The following GAS7 variants were observed in gnomAD, a reference collection of about 807,000 sequenced individuals.
GAS7 encodes the protein growth arrest specific 7.
In GAS7, 28 loss-of-function variants were observed where a neutral mutation model predicts 71.1. That is an observed-to-expected ratio of 0.39 (90% confidence interval 0.29 to 0.54). The LOEUF (loss-of-function observed/expected upper bound fraction) is 0.54. Among genes scored for constraint, GAS7 ranks in the 20% least tolerant of loss-of-function variants. The pLI is 0.62. For synonymous variants in GAS7, 258 were observed against 245.8 expected, an observed-to-expected ratio of 1.05 and a Z score of -0.46; for missense variants, 436 against 627.8, an observed-to-expected ratio of 0.69 and a Z score of 3.27.
chr17:10,074,725 C>A (rs779257489), intron 1 of GAS7, among the ~76,000 whole-genome samples: 2 of 152,094 alleles, frequency 1.3e-5, no homozygotes, highest in African/African-American at 2.4e-5. Flanking sequence ...TAAGAAAAAA[C>A]CACTTAATCC....
intron 1 of GAS7, among the ~76,000 whole-genome samples, chr17:10,154,381 G>A (rs546573544): frequency 1.4e-4 from 21 of 152,146 alleles, no homozygotes; most frequent in Non-Finnish European, 2.4e-4. Context: ...GCAAACATCT[G>A]TGGTCTCAGC....
At chr17:10,096,489 A>G (rs1221575507) in intron 1 of GAS7, among the ~76,000 whole-genome samples, 2 of 152,218 alleles carry the variant, frequency 1.3e-5, no homozygotes, top group East Asian at 1.9e-4. Context: ...CCAATGAGGA[A>G]TCTGTCACTT....
At chr17:9,923,115 G>A (rs2067876355) in intron 11 of GAS7, among the ~76,000 whole-genome samples, 1 of 152,118 alleles carries the variant, frequency 6.6e-6, no homozygotes, top group Non-Finnish European at 1.5e-5. Flanking sequence ...CACTATGTTG[G>A]CCAGGCTGGT....
rs2074326347 is a variant in GAS7 at position 10,170,247 on chromosome 17, C to T, written c.183+27961G>A. 2.6e-5 allele frequency among the ~76,000 whole-genome samples: 4 copies of T among 152,026 alleles called. No homozygotes were observed. In the South Asian group the frequency reaches 8.3e-4, roughly 32 times the overall value. On this transcript the variant is annotated intron_variant, in intron 1 of 13. Transcript: ENST00000432992. ...CTCAAGTCACTCCTCTGCTCAATGG[C>T]TCCCCTGACACTCAGGGTAAATGTC...
At chr17:10,074,102 A>C (rs1406667798) in intron 1 of GAS7, among the ~76,000 whole-genome samples, 1 of 152,150 alleles carries the variant, frequency 6.6e-6, no homozygotes, top group South Asian at 2.1e-4. Context: ...AGTGTGATGG[A>C]CGTATGCAAC....
intron 1 of GAS7, among the ~76,000 whole-genome samples, chr17:10,078,074 TG>T (rs1301827035): frequency 2.1e-4 from 24 of 114,570 alleles, no homozygotes; most frequent in African/African-American, 8.0e-4. Flanking sequence ...TGTGTGTGTG[TG>T]TGTGTTTTGT....
At chr17:10,050,656 G>A (rs2073050353) in intron 1 of GAS7, among the ~76,000 whole-genome samples, 1 of 152,184 alleles carries the variant, frequency 6.6e-6, no homozygotes, top group South Asian at 2.1e-4. Flanking sequence ...TTCTCCTGAA[G>A]CACAAGCTAC....
chr17:10,032,336 T>C (rs985458612), intron 1 of GAS7, among the ~76,000 whole-genome samples: 10 of 152,290 alleles, frequency 6.6e-5, no homozygotes, highest in African/African-American at 2.2e-4. Flanking sequence ...TGATGAACTG[T>C]TGAGGAATGT....
intron 2 of GAS7, among the ~76,000 whole-genome samples, chr17:9,999,371 A>G (rs2071171879): frequency 6.6e-6 from 1 of 152,150 alleles, no homozygotes; most frequent in African/African-American, 2.4e-5. Flanking sequence ...TACAAAAATT[A>G]GCTGGGTGTG....
At chr17:9,991,609 G>A (rs948732641) in intron 2 of GAS7, among the ~76,000 whole-genome samples, 1 of 152,076 alleles carries the variant, frequency 6.6e-6, no homozygotes, top group African/African-American at 2.4e-5. Context: ...AGGGAGTAGG[G>A]GGTGCTGCCT....
intron 1 of GAS7, among the ~76,000 whole-genome samples, chr17:10,164,129 A>G (rs2142122297): frequency 6.6e-6 from 1 of 152,184 alleles, no homozygotes; most frequent in African/African-American, 2.4e-5. Flanking sequence ...TTAATTTTGC[A>G]CTGTGCAGCC....
At chr17:10,162,046 G>A (rs1270658110) in intron 1 of GAS7, among the ~76,000 whole-genome samples, 7 of 130,666 alleles carry the variant, frequency 5.4e-5, no homozygotes, top group Non-Finnish European at 7.7e-5. Context: ...CAGCCTGGGC[G>A]ACAGAGCAAG....
chr17:9,981,729 C>T lies in GAS7; in HGVS notation c.385+75G>A. The T allele has an allele frequency of 1.1e-6, 1 of 878,080 alleles. No homozygotes were observed. Among genetic ancestry groups the T allele is most frequent in the Admixed American group, 1.7e-5 (1 of 57,528 alleles). The allele number at this position is 878,080 out of a possible 1,614,324, so 54.4% of individuals were successfully genotyped here. Reference sequence around the variant, plus strand: ...ATCAGCCAGGTTTAAGACCCAGGACCCATCATCTCAGCCTCTCCACTGAAT... The same window carrying T: ...ATCAGCCAGGTTTAAGACCCAGGACTCATCATCTCAGCCTCTCCACTGAAT... On this transcript the variant is annotated intron_variant, in intron 3 of 13. Coordinates refer to ENST00000432992, the MANE Select transcript of GAS7 (RefSeq NM_201433.2). This position sits in a 1 kb window ranked among gnomAD's most constrained non-coding sequence, Gnocchi z 4.4.
Position 9,962,435 on chromosome 17 carries a change from TA to T in GAS7, c.472-3181del, listed in dbSNP as rs201803191. Among the ~76,000 whole-genome samples the T allele has an allele frequency of 7.2e-5, 11 of 152,022 alleles. No individual in the cohort carries two copies. The East Asian group carries it at 2.1e-3, about 29-fold the overall frequency. The stretch of plus-strand genomic sequence containing the variant: ...TGGAATATCCTATTGTACCAAGAGG[TA>T]AGAAAGTATTCAGAGAATAATGGAG... On this transcript the variant is annotated intron_variant, in intron 4 of 13. Transcript: ENST00000432992.
intron 1 of GAS7, among the ~76,000 whole-genome samples, chr17:10,179,086 T>C (rs1280138489): frequency 1.3e-5 from 2 of 151,948 alleles, no homozygotes; most frequent in Non-Finnish European, 2.9e-5. Context: ...TCCCAGCAGT[T>C]TGCAAGGCTG....
At chr17:10,116,543 A>G (rs1481880348) in intron 1 of GAS7, among the ~76,000 whole-genome samples, 5 of 152,110 alleles carry the variant, frequency 3.3e-5, no homozygotes, top group African/African-American at 1.2e-4. Flanking sequence ...TGACCAGCAG[A>G]TAGCACCAGC....
At chr17:9,968,104 T>G (rs1263616038) in intron 4 of GAS7, among the ~76,000 whole-genome samples, 1 of 152,230 alleles carries the variant, frequency 6.6e-6, no homozygotes, top group East Asian at 1.9e-4. Flanking sequence ...CATCAGAATT[T>G]AGGCTGATGT....
intron 1 of GAS7, among the ~76,000 whole-genome samples, chr17:10,049,834 C>T (rs1312014720): frequency 6.6e-6 from 1 of 151,922 alleles, no homozygotes; most frequent in Non-Finnish European, 1.5e-5. Flanking sequence ...GTTGGCCAGG[C>T]TGGTCTGGAA....
At chr17:9,925,364 C>A (rs1371571730) in intron 11 of GAS7, 112 bp downstream of exon 11, 1 of 1,062,978 alleles carries the variant, frequency 9.4e-7, no homozygotes, top group African/African-American at 1.6e-5. Flanking sequence ...GTAATTTCCT[C>A]GCTGCAGTCT....
Sources: allele counts gnomAD v4.1 joint callset (sites outside exome capture counted in the v4.1 genomes callset), GRCh38; gene constraint gnomAD v4.1.1; non-coding constraint Gnocchi (gnomAD v3.1); transcripts MANE v1.5; gene names NCBI Gene and HGNC (gene_info 2026-07-23, HGNC 2026-07-21).